TXNRD1: variants seen among roughly 807,000 people sequenced by gnomAD.
TXNRD1 encodes thioredoxin reductase 1.
In TXNRD1, 57 loss-of-function variants were observed where a neutral mutation model predicts 80.3. That is an observed-to-expected ratio of 0.71 (90% CI 0.57 to 0.89). TXNRD1 has a LOEUF of 0.89. Among genes scored for constraint, TXNRD1 ranks in the 40% least tolerant of loss-of-function variants. TXNRD1 has a pLI of 0.00. For missense variants in TXNRD1, 730 were observed against 803.0 expected (o/e 0.91, Z 1.10); for synonymous variants, 291 against 285.2 (o/e 1.02, Z -0.20).
At chr12:104,347,090 C>T (rs906866587) in intron 16 of TXNRD1, among the ~76,000 whole-genome samples, 4 of 152,014 alleles carry the variant, frequency 2.6e-5, no homozygotes, top group Admixed American at 2.6e-4. Context: ...GTGAGACTGT[C>T]TCAAAAATAA....
chr12:104,348,392 A>G lies in TXNRD1; in HGVS notation c.1921A>G (p.Ser641Gly). The change falls in exon 17 of 17, where the codon AGC (serine) becomes GGC (glycine). Residue 641 changes from serine to glycine, a missense_variant. Physicochemically the swap from Ser to Gly is moderately conservative, Grantham distance 56. Transcript: ENST00000525566. Reference protein sequence around the residue: ...TLSVTKRSGASILQAGCUG With the variant: ...TLSVTKRSGAGILQAGCUG ...GTCTGTGACCAAGCGCTCTGGGGCA[A>G]GCATCCTCCAGGCTGGCTGCTGAGG... is the stretch of plus-strand genomic sequence containing the variant. The G allele has an allele frequency of 6.2e-7, 1 of 1,614,052 alleles. No homozygotes were observed. Among genetic ancestry groups the G allele is most frequent in the Non-Finnish European group, 8.5e-7 (1 of 1,179,902 alleles).
At chr12:104,248,909 G>A (rs865875206) in intron 1 of TXNRD1, among the ~76,000 whole-genome samples, 9 of 151,446 alleles carry the variant, frequency 5.9e-5, no homozygotes, top group Non-Finnish European at 7.4e-5. Context: ...AACCTCCCCC[G>A]CCCAGGTTCA....
intron 1 of TXNRD1, among the ~76,000 whole-genome samples, chr12:104,243,605 G>T (rs531645036): frequency 2.4e-4 from 37 of 152,316 alleles, no homozygotes; most frequent in African/African-American, 8.9e-4. Context: ...AATGAGTTTT[G>T]TTAAGAGGTC....
intron 1 of TXNRD1, among the ~76,000 whole-genome samples, chr12:104,223,473 G>T (rs765426714): frequency 6.6e-6 from 1 of 152,178 alleles, no homozygotes; most frequent in Non-Finnish European, 1.5e-5. Context: ...AAGGGGAATA[G>T]AAGGAATAGA....
chr12:104,346,074 G>A, intron 16 of TXNRD1: 1 of 1,051,416 alleles, frequency 9.5e-7, no homozygotes, highest in Non-Finnish European at 1.3e-6. Flanking sequence ...GTGCAGTGGT[G>A]TGATCTCAGT....
At chr12:104,254,644 A>AAAAAAAAAAAAAAAAATATATATAT in intron 2 of TXNRD1, among the ~76,000 whole-genome samples, 2 of 93,638 alleles carry the variant, frequency 2.1e-5, no homozygotes, top group African/African-American at 1.0e-4. Flanking sequence ...AAAAAAAAAA[A>AAAAAAAAAAAAAAAAATATATATAT]ATATATATAT....
intron 4 of TXNRD1, chr12:104,309,906 C>T (rs1427766712): frequency 6.5e-7 from 1 of 1,536,088 alleles, no homozygotes; most frequent in Non-Finnish European, 8.7e-7. Flanking sequence ...GGTGTTCTCC[C>T]TTCAGTCCCT....
chr12:104,315,246 G>A (rs145740515), intron 6 of TXNRD1, among the ~76,000 whole-genome samples: 1 of 152,250 alleles, frequency 6.6e-6, no homozygotes, highest in East Asian at 1.9e-4. Flanking sequence ...CTAACCTCCC[G>A]AACATCATAG....
intron 16 of TXNRD1, among the ~76,000 whole-genome samples, chr12:104,346,516 T>C (rs1198335673): frequency 2.0e-4 from 31 of 152,224 alleles, no homozygotes. Flanking sequence ...CTGGAATTTG[T>C]TTAAATGTAT....
At chr12:104,224,268 T>A (rs1278518922) in intron 1 of TXNRD1, among the ~76,000 whole-genome samples, 1 of 152,202 alleles carries the variant, frequency 6.6e-6, no homozygotes, top group Non-Finnish European at 1.5e-5. Context: ...ATTCCCCAAG[T>A]AGAGATAGTT....
At chr12:104,314,448 A>G (rs2035243942) in intron 6 of TXNRD1, among the ~76,000 whole-genome samples, 2 of 152,182 alleles carry the variant, frequency 1.3e-5, no homozygotes, top group Non-Finnish European at 1.5e-5. Flanking sequence ...GGTACTAGGT[A>G]TATCCCTTCT....
intron 1 of TXNRD1, among the ~76,000 whole-genome samples, chr12:104,234,828 G>A (rs1169575172): frequency 1.3e-5 from 2 of 151,882 alleles, no homozygotes; most frequent in East Asian, 1.9e-4. Flanking sequence ...GAAAAAATAG[G>A]GAAGGCAAAG....
intron 1 of TXNRD1, among the ~76,000 whole-genome samples, chr12:104,235,591 G>T (rs1237533431): frequency 6.6e-6 from 1 of 152,182 alleles, no homozygotes; most frequent in Admixed American, 6.5e-5. Context: ...AAGGATCATT[G>T]TTTATATTCT....
chr12:104,215,903 A>T lies in TXNRD1; in HGVS notation c.91+10A>T. On this transcript the variant is annotated intron_variant, in intron 1 of 16. Transcript: ENST00000525566. ...GGCCGCCGTAGGTCAGGTACGACCGAGGGCGAAGGCCTGGTCCCCAGGTCG... is the reference window on the plus strand; with the variant it reads ...GGCCGCCGTAGGTCAGGTACGACCGTGGGCGAAGGCCTGGTCCCCAGGTCG... 1.3e-6 allele frequency: 2 copies of T among 1,549,676 alleles called. No individual in the cohort carries two copies. Among genetic ancestry groups the T allele is most frequent in the South Asian group, 2.4e-5 (2 of 84,040 alleles).
intron 1 of TXNRD1, among the ~76,000 whole-genome samples, chr12:104,216,283 A>C (rs776965137): frequency 2.3e-4 from 35 of 152,088 alleles, no homozygotes; most frequent in Non-Finnish European, 4.7e-4. Context: ...GTTACGGGGG[A>C]AGCGACCAAA....
At chr12:104,313,389 C>T in intron 6 of TXNRD1, 72 bp downstream of exon 6, 1 of 1,174,404 alleles carries the variant, frequency 8.5e-7, no homozygotes, top group Non-Finnish European at 1.2e-6. Context: ...TAACTGGTTC[C>T]TAAAGCCTAA....
At chr12:104,345,986 G>T (rs917055930) in intron 16 of TXNRD1, 6 of 1,288,700 alleles carry the variant, frequency 4.7e-6, no homozygotes, top group Non-Finnish European at 6.1e-6. Flanking sequence ...AAACAGTTGT[G>T]TACGAATGAA....
chr12:104,299,860 C>A lies in TXNRD1; in HGVS notation c.414+10820C>A, dbSNP rs34132612. 6.0e-3 allele frequency among the ~76,000 whole-genome samples: 914 copies of A among 151,792 alleles called. 10 individuals carry two copies. Among genetic ancestry groups the A allele is most frequent in the African/African-American group, 0.021 (866 of 41,368 alleles). On this transcript the variant is annotated intron_variant, in intron 4 of 16. Transcript: ENST00000525566. ...TCAAACTAGGAATTTTACCACATTT[C>A]TTCACAACTCAATATTAAACAGAAG...
intron 15 of TXNRD1, among the ~76,000 whole-genome samples, chr12:104,337,018 G>A (rs1365963526): frequency 1.3e-5 from 2 of 151,960 alleles, no homozygotes; most frequent in African/African-American, 4.8e-5. Flanking sequence ...TCATGCTTAC[G>A]TTCTTATGTT....
Sources: gnomAD v4.1 joint callset for allele counts (sites outside exome capture counted in the v4.1 genomes callset) on GRCh38, gnomAD v4.1.1 for gene constraint, MANE v1.5 for transcripts, NCBI Gene and HGNC (gene_info 2026-07-23, HGNC 2026-07-21) for gene names.